NEGR1: variants seen among roughly 807,000 people sequenced by gnomAD.
NEGR1 encodes neuronal growth regulator 1, also known as IgLON family member 4.
NEGR1 carries 10 observed loss-of-function variants against 40.9 expected under a neutral mutation model. The ratio of observed to expected loss-of-function variants is 0.24; its 90% CI spans 0.15 to 0.42. The LOEUF is 0.42. Ranked by LOEUF, NEGR1 falls within the 10% of genes least tolerant of loss-of-function variation. NEGR1 has a pLI of 1.00. For missense variants in NEGR1, 352 were observed against 438.9 expected (o/e 0.80, Z 1.77); for synonymous variants, 185 against 166.8 (o/e 1.11, Z -0.84).
chr1:71,943,120 T>C (rs1487859199), intron 1 of NEGR1, among the ~76,000 whole-genome samples: 3 of 146,048 alleles, frequency 2.1e-5, no homozygotes, highest in Admixed American at 6.9e-5. Context: ...TTATAAACTA[T>C]ACATATGTGT....
At chr1:71,608,167 G>C (rs1335200121) in intron 5 of NEGR1, among the ~76,000 whole-genome samples, 1 of 152,088 alleles carries the variant, frequency 6.6e-6, no homozygotes, top group Non-Finnish European at 1.5e-5. Context: ...TTGAGAATTT[G>C]AGTATTGCCT....
At chr1:71,858,881 G>A (rs1659860671) in intron 2 of NEGR1, among the ~76,000 whole-genome samples, 1 of 151,894 alleles carries the variant, frequency 6.6e-6, no homozygotes, top group South Asian at 2.1e-4. Flanking sequence ...ACCAAAAATT[G>A]TACCTAAATA....
intron 2 of NEGR1, among the ~76,000 whole-genome samples, chr1:71,875,921 G>C (rs1570457051): frequency 6.6e-6 from 1 of 152,068 alleles, no homozygotes; most frequent in Non-Finnish European, 1.5e-5. Context: ...CAATCTTCAT[G>C]GGGTTGTTCT....
chr1:72,146,682 T>G (rs552257338), intron 1 of NEGR1, among the ~76,000 whole-genome samples: 253 of 152,318 alleles, frequency 1.7e-3, no homozygotes, highest in African/African-American at 5.8e-3. Context: ...TCTCTTTACA[T>G]ATATGCAAAT....
chr1:72,266,000 T>C (rs1047091577), intron 1 of NEGR1, among the ~76,000 whole-genome samples: 2 of 150,950 alleles, frequency 1.3e-5, no homozygotes, highest in African/African-American at 4.8e-5. Flanking sequence ...TGAGATAGCA[T>C]TAAATTTTTA....
chr1:71,774,661 A>G (rs1414899058), intron 3 of NEGR1, among the ~76,000 whole-genome samples: 8 of 147,036 alleles, frequency 5.4e-5, no homozygotes, highest in African/African-American at 1.5e-4. Flanking sequence ...GTTTCATTGC[A>G]TCAGCCTTGC....
chr1:72,139,717 T>C (rs1318442946), intron 1 of NEGR1, among the ~76,000 whole-genome samples: 3 of 152,038 alleles, frequency 2.0e-5, no homozygotes, highest in African/African-American at 7.2e-5. Context: ...AAACATGCAA[T>C]TGTAGCAGGG....
At position 72,185,383 on chromosome 1, in the gene NEGR1, A is replaced by G. The variant is rs144758642; in HGVS notation, c.176+96936T>C. ...AGTTCAACAAAATATGACATAATCC[A>G]AGAGCTGAACTCTCCAAACAATCCA... On this transcript the variant is annotated intron_variant, in intron 1 of 6. Coordinates refer to ENST00000357731, the MANE Select transcript of NEGR1 (RefSeq NM_173808.3). Among the ~76,000 whole-genome samples, 85 of 152,046 alleles carry G rather than the reference A, an allele frequency of 5.6e-4. No homozygotes were observed. The East Asian group carries it at 9.5e-3, about 17-fold the overall frequency.
At position 71,396,996 on chromosome 1, in the gene NEGR1, G is replaced by C. The variant is rs772349435; in HGVS notation, c.*10450C>G. 6.5e-6 allele frequency: 1 copy of C among 153,278 alleles called. No homozygotes were observed. Among genetic ancestry groups the C allele is most frequent in the Admixed American group, 6.6e-5 (1 of 15,222 alleles). 9.5% of individuals were successfully genotyped at this position (153,278 alleles called of 1,614,324 possible). On this transcript the variant is annotated 3_prime_UTR_variant, in exon 7 of 7. Coordinates refer to ENST00000357731, the MANE Select transcript of NEGR1 (RefSeq NM_173808.3). ...GGCAGGGGTTGGAATAGTTTGGAGGGCTCAGAAGAAGACAGGAAAATGTGG... is the reference window on the plus strand; with the variant it reads ...GGCAGGGGTTGGAATAGTTTGGAGGCCTCAGAAGAAGACAGGAAAATGTGG...
chr1:71,958,681 C>A (rs920665053), intron 1 of NEGR1, among the ~76,000 whole-genome samples: 1 of 152,128 alleles, frequency 6.6e-6, no homozygotes, highest in Non-Finnish European at 1.5e-5. Context: ...TCAGGCTGGG[C>A]ACGGTGGCTC....
intron 2 of NEGR1, among the ~76,000 whole-genome samples, chr1:71,873,149 A>G (rs611329): frequency 0.59 from 84,724 of 143,520 alleles, 26,130 homozygotes; most frequent in African/African-American, 0.77. Context: ...AGACAAATAG[A>G]GTATTTTGAG....
At chr1:71,937,339 A>T (rs930559257) in intron 1 of NEGR1, among the ~76,000 whole-genome samples, 1 of 152,218 alleles carries the variant, frequency 6.6e-6, no homozygotes, top group African/African-American at 2.4e-5. Flanking sequence ...TTCCCATTTC[A>T]CAGATCACAT....
At chr1:72,105,239 T>A (rs1649091843) in intron 1 of NEGR1, among the ~76,000 whole-genome samples, 1 of 152,082 alleles carries the variant, frequency 6.6e-6, no homozygotes, top group African/African-American at 2.4e-5. Context: ...CTTCAACTAA[T>A]CCACTTTGAG....
intron 1 of NEGR1, among the ~76,000 whole-genome samples, chr1:72,142,028 C>A (rs1267568071): frequency 6.6e-6 from 1 of 151,920 alleles, no homozygotes; most frequent in Non-Finnish European, 1.5e-5. Context: ...TGTACCCAGG[C>A]AATCATCATA....
At chr1:71,966,493 C>CTATACCTACTG (rs1646210741) in intron 1 of NEGR1, among the ~76,000 whole-genome samples, 1 of 152,098 alleles carries the variant, frequency 6.6e-6, no homozygotes, top group Admixed American at 6.6e-5. Flanking sequence ...GCTGTTTTTT[C>CTATACCTACTG]TATACCTACT....
At chr1:71,555,371 G>A (rs867130742) in intron 6 of NEGR1, among the ~76,000 whole-genome samples, 1 of 151,500 alleles carries the variant, frequency 6.6e-6, no homozygotes, top group African/African-American at 2.4e-5. Flanking sequence ...GGCTGCCCAC[G>A]TGCCATGTTA....
intron 3 of NEGR1, among the ~76,000 whole-genome samples, chr1:71,764,415 C>G (rs545699060): frequency 6.6e-6 from 1 of 152,162 alleles, no homozygotes; most frequent in South Asian, 2.1e-4. Flanking sequence ...GACATTCTCT[C>G]TTTACTTTTT....
chr1:72,233,254 T>C (rs1301301470), intron 1 of NEGR1, among the ~76,000 whole-genome samples: 2 of 152,208 alleles, frequency 1.3e-5, no homozygotes, highest in African/African-American at 4.8e-5. Flanking sequence ...CCACTATGGC[T>C]GCCCTTACCA....
chr1:72,223,379 AG>A (rs1490135417), intron 1 of NEGR1, among the ~76,000 whole-genome samples: 2 of 152,232 alleles, frequency 1.3e-5, no homozygotes, highest in Non-Finnish European at 2.9e-5. Context: ...TCTGATTTGC[AG>A]AAAAGCTTAG....
Sources: allele counts gnomAD v4.1 joint callset (sites outside exome capture counted in the v4.1 genomes callset), GRCh38; gene constraint gnomAD v4.1.1; transcripts MANE v1.5; gene names NCBI Gene and HGNC (gene_info 2026-07-23, HGNC 2026-07-21).